The following ZC3H6 variants were observed in gnomAD, a reference collection of about 807,000 sequenced individuals.
ZC3H6 encodes zinc finger CCCH domain-containing protein 6.
A neutral mutation model predicts 107.7 loss-of-function variants in ZC3H6; 40 were observed. The ratio of observed to expected loss-of-function variants is 0.37; its 90% CI spans 0.29 to 0.48. ZC3H6 has a LOEUF of 0.48. Among genes scored for constraint, ZC3H6 ranks in the 20% least tolerant of loss-of-function variants. The pLI is 0.98. For synonymous variants in ZC3H6, 493 were observed against 487.9 expected, an observed-to-expected ratio of 1.01 and a Z score of -0.14; for missense variants, 1,267 against 1,410.4, an observed-to-expected ratio of 0.90 and a Z score of 1.63.
chr2:112,325,652 T>C (rs1676893212), intron 11 of ZC3H6, among the ~76,000 whole-genome samples: 1 of 152,208 alleles, frequency 6.6e-6, no homozygotes, highest in Non-Finnish European at 1.5e-5. Context: ...TTGCAAGTAA[T>C]TAAGCCTTTT....
In ZC3H6 at chr2:112,331,610, A is replaced by G. The variant is rs552624659; in HGVS notation, c.2692A>G (p.Ile898Val). The change falls in exon 12 of 12, where the codon ATC (isoleucine) becomes GTC (valine). Residue 898 changes from isoleucine (I) to valine (V), a missense_variant. This residue lies in a region of ZC3H6 where 925 missense variants were observed against 1,025.7 expected (regional missense o/e 0.90). Transcript: ENST00000409871. ...PLPKPDPVSS[I>V]NLPLPPLIAD... ...ACCTAAACCTGATCCAGTGTCTTCA[A>G]TCAATTTACCTCTGCCCCCACTTAT... 1.5e-5 allele frequency: 25 copies of G among 1,613,992 alleles called. No individual in the cohort carries two copies. Among genetic ancestry groups the G allele is most frequent in the South Asian group, 1.1e-4 (10 of 91,082 alleles).
intron 1 of ZC3H6, among the ~76,000 whole-genome samples, chr2:112,296,383 T>C (rs1019474232): frequency 7.2e-5 from 11 of 152,282 alleles, no homozygotes; most frequent in Non-Finnish European, 1.6e-4. Flanking sequence ...TTTTTCTTTG[T>C]AGTATTCTAT....
In ZC3H6 at chr2:112,325,043, T is replaced by A; in HGVS notation, c.1932T>A (p.Asp644Glu). The A allele has an allele frequency of 6.2e-7, 1 of 1,613,806 alleles. No individual in the cohort carries two copies. The highest frequency in any genetic ancestry group is 8.5e-7 in the Non-Finnish European group (1 of 1,179,806). ...CACCTAACCATGGGAGTGGGTCTGATGGCAGCAGCACTAGGACAGGCCATG... is the reference window on the plus strand; with the variant it reads ...CACCTAACCATGGGAGTGGGTCTGAAGGCAGCAGCACTAGGACAGGCCATG... Reference protein sequence around the residue: ...QDSPNHGSGSDGSSTRTGHGP... With the variant: ...QDSPNHGSGSEGSSTRTGHGP... Residue 644 changes from aspartate (D) to glutamate (E), a missense_variant, in exon 11 of 12, where the codon GAT becomes GAA. Coordinates refer to ENST00000409871, the MANE Select transcript of ZC3H6 (RefSeq NM_198581.3).
chr2:112,320,371 A>G (rs1676779568), intron 7 of ZC3H6, among the ~76,000 whole-genome samples: 1 of 152,156 alleles, frequency 6.6e-6, no homozygotes, highest in Non-Finnish European at 1.5e-5. Flanking sequence ...TGATTAACTC[A>G]TTGTCTTATC....
At chr2:112,310,251 T>G in intron 4 of ZC3H6, 90 bp downstream of exon 4, 6 of 1,281,766 alleles carry the variant, frequency 4.7e-6, no homozygotes, top group African/African-American at 1.5e-5. Context: ...TTATCCCTGT[T>G]CAAGATTAGC....
chr2:112,278,868 A>C (rs1686475687), intron 1 of ZC3H6, among the ~76,000 whole-genome samples: 1 of 151,834 alleles, frequency 6.6e-6, no homozygotes, highest in South Asian at 2.1e-4. Context: ...CCATCCTCCC[A>C]TTTCAGCCTC....
intron 5 of ZC3H6, among the ~76,000 whole-genome samples, chr2:112,313,438 A>C (rs895087747): frequency 1.3e-5 from 2 of 152,170 alleles, no homozygotes; most frequent in East Asian, 3.9e-4. Context: ...AAACAAAATT[A>C]GCTTCCAGGA....
At position 112,321,852 on chromosome 2, in the gene ZC3H6, A is replaced by C. The variant is rs929823262; in HGVS notation, c.1073A>C (p.Lys358Thr). The stretch of plus-strand genomic sequence containing the variant: ...GATGATCTAACTAAAGAAACAAAGA[A>C]ACTTTTGGACAAAGTGAGTAATATT... ...SHDDLTKETK[K>T]LLDKVLNTDE... Residue 358 changes from lysine (K) to threonine (T), a missense_variant, in exon 8 of 12, where the codon AAA becomes ACA. By Grantham distance (78) the Lys-to-Thr change is moderately conservative. Coordinates refer to ENST00000409871, the MANE Select transcript of ZC3H6 (RefSeq NM_198581.3). 33 of 1,506,870 alleles carry C rather than the reference A, an allele frequency of 2.2e-5. No individual in the cohort carries two copies. Among genetic ancestry groups the C allele is most frequent in the Non-Finnish European group, 2.8e-5 (31 of 1,122,000 alleles). 93.3% of individuals were successfully genotyped at this position (1,506,870 alleles called of 1,614,324 possible). A position where few individuals can be genotyped will look rare whatever the true frequency, so the allele number is the denominator to read the frequency against.
intron 8 of ZC3H6, 148 bp from the exon 9 acceptor site, chr2:112,322,501 A>G: frequency 2.4e-6 from 2 of 842,390 alleles, no homozygotes; most frequent in Non-Finnish European, 3.5e-6. Flanking sequence ...TTGGCCTTCC[A>G]AGGTGTTGAG....
At chr2:112,284,921 GGAA>G (rs1381195404) in intron 1 of ZC3H6, among the ~76,000 whole-genome samples, 2 of 151,724 alleles carry the variant, frequency 1.3e-5, no homozygotes, top group Non-Finnish European at 2.9e-5. Flanking sequence ...AGAAAAAAAA[GGAA>G]GAAAAAAAAT....
At chr2:112,289,326 T>TTC (rs1558946733) in intron 1 of ZC3H6, among the ~76,000 whole-genome samples, 4 of 141,682 alleles carry the variant, frequency 2.8e-5, no homozygotes, top group Non-Finnish European at 3.1e-5. Context: ...CTTTTTCTTT[T>TTC]TTTTTTTTTT....
At chr2:112,286,644 C>T (rs188393313) in intron 1 of ZC3H6, among the ~76,000 whole-genome samples, 25 of 152,298 alleles carry the variant, frequency 1.6e-4, no homozygotes, top group Admixed American at 1.5e-3. Flanking sequence ...TGCCATGTTG[C>T]CCAGGCTAGT....
chr2:112,324,552 G>A lies in ZC3H6; in HGVS notation c.1741G>A (p.Glu581Lys). ...PGSSYQQSPG[E>K]MQLNTNYESL... ...TTCATCATACCAGCAAAGTCCTGGT[G>A]AAATGCAGCTCAACACCAATTATGA... The change falls in exon 10 of 12, where the codon GAA (glutamate) becomes AAA (lysine). Residue 581 changes from glutamate to lysine, a missense_variant. Transcript: ENST00000409871. 6.2e-7 allele frequency: 1 copy of A among 1,612,374 alleles called. No individual in the cohort carries two copies. Among genetic ancestry groups the A allele is most frequent in the Non-Finnish European group, 8.5e-7 (1 of 1,179,154 alleles).
chr2:112,290,269 A>T (rs1676086117), intron 1 of ZC3H6, among the ~76,000 whole-genome samples: 1 of 152,248 alleles, frequency 6.6e-6, no homozygotes, highest in African/African-American at 2.4e-5. Flanking sequence ...GCCTTGTCTC[A>T]GTTCCTATAG....
chr2:112,276,903 C>T (rs1318328153), intron 1 of ZC3H6, among the ~76,000 whole-genome samples: 2 of 152,072 alleles, frequency 1.3e-5, no homozygotes, highest in East Asian at 1.9e-4. Context: ...CTGATTCTTA[C>T]TTAGAATATT....
Position 112,334,667 on chromosome 2 carries a change from T to A in ZC3H6, c.*2179T>A, listed in dbSNP as rs1196860106. On this transcript the variant is annotated 3_prime_UTR_variant, in exon 12 of 12. Coordinates refer to ENST00000409871, the MANE Select transcript of ZC3H6 (RefSeq NM_198581.3). ...AATATATTTTATATGAAAATGTTTA[T>A]GTTTAAAATAACTTATTTATTATGC... 6.6e-6 allele frequency: 1 copy of A among 152,608 alleles called. No individual in the cohort carries two copies. The highest frequency in any genetic ancestry group is 1.9e-4 in the East Asian group (1 of 5,206). 9.5% of individuals were successfully genotyped at this position (152,608 alleles called of 1,614,324 possible).
chr2:112,291,064 T>C (rs1419131632), intron 1 of ZC3H6, among the ~76,000 whole-genome samples: 1 of 152,254 alleles, frequency 6.6e-6, no homozygotes, highest in Non-Finnish European at 1.5e-5. Context: ...GTCTTAGGCC[T>C]AACTTTTGTT....
At chr2:112,287,288 C>G (rs865784532) in intron 1 of ZC3H6, among the ~76,000 whole-genome samples, 40 of 152,044 alleles carry the variant, frequency 2.6e-4, no homozygotes, top group Admixed American at 1.4e-3. Context: ...TAAATCAATT[C>G]TAGCTTAGAT....
At position 112,338,689 on chromosome 2, in the gene ZC3H6, A is replaced by G. The variant is rs1488361162; in HGVS notation, c.*6201A>G. 1 of 151,910 alleles carries G rather than the reference A, an allele frequency of 6.6e-6. No homozygotes were observed. The highest frequency in any genetic ancestry group is 1.5e-5 in the Non-Finnish European group (1 of 67,978). The allele number at this position is 151,910 out of a possible 1,614,324, so 9.4% of individuals were successfully genotyped here. A position where few individuals can be genotyped will look rare whatever the true frequency, so the allele number is the denominator to read the frequency against. On this transcript the variant is annotated 3_prime_UTR_variant, in exon 12 of 12. Transcript: ENST00000409871. Reference sequence around the variant, plus strand: ...CCTTCATGAGAGTATTAAGGTTGAAAGGAATGGTGAAATTTGCATTATCAG... The same window carrying G: ...CCTTCATGAGAGTATTAAGGTTGAAGGGAATGGTGAAATTTGCATTATCAG...
Sources: allele counts gnomAD v4.1 joint callset (sites outside exome capture counted in the v4.1 genomes callset), GRCh38; gene constraint gnomAD v4.1.1; regional missense constraint gnomAD v4.1.1; transcripts MANE v1.5; gene names NCBI Gene and HGNC (gene_info 2026-07-23, HGNC 2026-07-21).